C10orf53: variants seen among roughly 807,000 people sequenced by gnomAD.
The protein encoded by C10orf53 is UPF0728 protein C10orf53.
C10orf53 carries 8 observed loss-of-function variants against 9.4 expected under a neutral mutation model. The ratio of observed to expected loss-of-function variants is 0.85; its 90% CI spans 0.50 to 1.53. The LOEUF (loss-of-function observed/expected upper bound fraction) is 1.53. C10orf53 is among the 40% of genes most tolerant of loss of function. The probability of loss-of-function intolerance (pLI) is 0.00; values close to 1 mark genes in which losing one functional copy is unlikely to be tolerated. For missense variants in C10orf53, 117 were observed against 117.8 expected (o/e 0.99, Z 0.03); for synonymous variants, 48 against 46.0 (o/e 1.04, Z -0.18).
chr10:49,687,843 G>A (rs979435764), intron 1 of C10orf53, among the ~76,000 whole-genome samples: 3 of 152,130 alleles, frequency 2.0e-5, no homozygotes, highest in Admixed American at 2.0e-4. Flanking sequence ...AGCCAGTGAA[G>A]GTTCTTGAGC....
chr10:49,708,845 G>C, exon 3 of C10orf53: 1 of 611,720 alleles, frequency 1.6e-6, no homozygotes, highest in Non-Finnish European at 2.8e-6. Context: ...AGTTATGATC[G>C]ATGAACTACT....
chr10:49,680,547 C>T (rs1424189212), intron 1 of C10orf53, among the ~76,000 whole-genome samples: 1 of 152,202 alleles, frequency 6.6e-6, no homozygotes. Context: ...ATTTGTTAAA[C>T]TGATGGGGGA....
At chr10:49,701,606 C>T (rs960801885), downstream of C10orf53, among the ~76,000 whole-genome samples, 1 of 152,164 alleles carries the variant, frequency 6.6e-6, no homozygotes, top group African/African-American at 2.4e-5. Context: ...CTGCCTTCCT[C>T]GTGCTGCTTC....
chr10:49,693,785 A>G lies in C10orf53; in HGVS notation c.109A>G (p.Ile37Val). 12 of 1,613,720 alleles carry G rather than the reference A, an allele frequency of 7.4e-6. No individual in the cohort carries two copies. Among genetic ancestry groups the G allele is most frequent in the African/African-American group, 1.3e-5 (1 of 75,058 alleles). ...TCTTTCCTTCCCAGCTGTGTTGGCC[A>G]TAGATGGACATGAGGTCATCCTAGA... ...RLQGLQAVLA[I>V]DGHEVILEKI... Residue 37 changes from isoleucine to valine, a missense_variant, in exon 2 of 3, where the codon ATA becomes GTA. Transcript: ENST00000374111.
intron 1 of C10orf53, among the ~76,000 whole-genome samples, chr10:49,680,374 G>A (rs573448691): frequency 9.8e-5 from 15 of 152,308 alleles, no homozygotes; most frequent in African/African-American, 3.6e-4. Flanking sequence ...AGAGGGAGAG[G>A]TCTGGAAAGG....
At chr10:49,681,680 G>A (rs568245284) in intron 1 of C10orf53, among the ~76,000 whole-genome samples, 4 of 152,288 alleles carry the variant, frequency 2.6e-5, no homozygotes. Flanking sequence ...GAGGGCTCTG[G>A]GCGCTCTTCC....
intron 1 of C10orf53, among the ~76,000 whole-genome samples, chr10:49,693,448 C>T (rs1840603672): frequency 6.6e-6 from 1 of 152,210 alleles, no homozygotes; most frequent in Non-Finnish European, 1.5e-5. Flanking sequence ...CCCAAGTCTT[C>T]TCCAGCACTG....
chr10:49,685,109 C>T (rs1467379574), intron 1 of C10orf53, among the ~76,000 whole-genome samples: 1 of 152,138 alleles, frequency 6.6e-6, no homozygotes. Flanking sequence ...CTCTCTTTCT[C>T]TCTCTCTCTC....
chr10:49,710,239 T>C (rs1359921362), exon 3 of C10orf53: 1 of 152,054 alleles, frequency 6.6e-6, no homozygotes, highest in African/African-American at 2.4e-5. Flanking sequence ...GCATTCTTAC[T>C]TAATAAAACA....
chr10:49,704,666 C>T (rs867139051), intron 2 of C10orf53, among the ~76,000 whole-genome samples: 3 of 152,144 alleles, frequency 2.0e-5, no homozygotes, highest in Admixed American at 6.6e-5. Context: ...ATTGCTTGAA[C>T]CCAGGAGGCA....
At chr10:49,698,440 A>G (rs890895408), downstream of C10orf53, among the ~76,000 whole-genome samples, 2 of 152,136 alleles carry the variant, frequency 1.3e-5, no homozygotes, top group Admixed American at 1.3e-4. Flanking sequence ...GGAGGACTGG[A>G]CACATGTCCT....
chr10:49,708,624 C>T (rs1590651419), exon 3 of C10orf53: 2 of 1,613,608 alleles, frequency 1.2e-6, no homozygotes, highest in Non-Finnish European at 1.7e-6. Flanking sequence ...CTGAAATCGA[C>T]AGGACAGATT....
At chr10:49,698,956 C>T (rs929883713), downstream of C10orf53, among the ~76,000 whole-genome samples, 11 of 152,114 alleles carry the variant, frequency 7.2e-5, no homozygotes, top group East Asian at 3.9e-4. Flanking sequence ...ACAGCGGTGG[C>T]GGCAGCTCAG....
intron 1 of C10orf53, among the ~76,000 whole-genome samples, chr10:49,689,688 C>A (rs555388627): frequency 6.6e-6 from 1 of 152,266 alleles, no homozygotes; most frequent in East Asian, 1.9e-4. Flanking sequence ...AAGAAGAATG[C>A]AGCCACTCTA....
chr10:49,681,570 C>T (rs1840479212), intron 1 of C10orf53, among the ~76,000 whole-genome samples: 1 of 152,164 alleles, frequency 6.6e-6, no homozygotes, highest in African/African-American at 2.4e-5. Context: ...ATTGCCAAAA[C>T]AAAATACCAT....
At chr10:49,704,163 GA>G (rs1311090713) in intron 2 of C10orf53, among the ~76,000 whole-genome samples, 1 of 152,002 alleles carries the variant, frequency 6.6e-6, no homozygotes, top group Non-Finnish European at 1.5e-5. Context: ...AGACATAGAA[GA>G]AAAAAATGAT....
At chr10:49,683,178 T>A (rs763220329) in intron 1 of C10orf53, among the ~76,000 whole-genome samples, 7 of 152,254 alleles carry the variant, frequency 4.6e-5, no homozygotes, top group Non-Finnish European at 1.0e-4. Context: ...CCACTAGCAA[T>A]GCACAAGGAT....
intron 2 of C10orf53, chr10:49,708,282 A>G (rs1316986578): frequency 6.4e-7 from 1 of 1,559,478 alleles, no homozygotes; most frequent in African/African-American, 1.4e-5. Flanking sequence ...ATAGGTGAAT[A>G]TGAGTGTTCA....
Position 49,679,800 on chromosome 10 carries a change from C to A in C10orf53, c.97+6C>A, listed in dbSNP as rs1157730022. On this transcript the variant is annotated splice_donor_region_variant and intron_variant, in intron 1 of 2. Transcript: ENST00000374111. Reference sequence around the variant, plus strand: ...CCGCCTGCAGGGCCTGCAAGGTGGGCCTCCTCGCCGCGTGCGCCCCTGAGG... The same window carrying A: ...CCGCCTGCAGGGCCTGCAAGGTGGGACTCCTCGCCGCGTGCGCCCCTGAGG... 1 of 1,531,306 alleles carries A rather than the reference C, an allele frequency of 6.5e-7. No individual in the cohort carries two copies. Among genetic ancestry groups the A allele is most frequent in the East Asian group, 2.5e-5 (1 of 39,486 alleles). 94.9% of individuals were successfully genotyped at this position (1,531,306 alleles called of 1,614,324 possible).
Sources: allele counts gnomAD v4.1 joint callset (sites outside exome capture counted in the v4.1 genomes callset), GRCh38; gene constraint gnomAD v4.1.1; transcripts MANE v1.5; gene names NCBI Gene and HGNC (gene_info 2026-07-23, HGNC 2026-07-21).